The following MAST4 variants were observed in gnomAD, a reference collection of about 807,000 sequenced individuals.
MAST4 encodes microtubule-associated serine/threonine-protein kinase 4.
Under a neutral mutation model 162.7 loss-of-function variants are expected in MAST4, and 89 were observed. That is an observed-to-expected ratio of 0.55 (90% CI 0.46 to 0.65). The LOEUF (loss-of-function observed/expected upper bound fraction) is 0.65. MAST4 is among the 30% of genes least tolerant of loss of function. MAST4 has a pLI of 0.00. For synonymous variants in MAST4, 1,479 were observed against 1,361.1 expected (o/e 1.09, Z -1.91); for missense variants, 3,153 against 3,374.0 (o/e 0.93, Z 1.62).
At chr5:67,140,522 G>T (rs1380701545) in intron 19 of MAST4, among the ~76,000 whole-genome samples, 2 of 152,208 alleles carry the variant, frequency 1.3e-5, no homozygotes, top group Non-Finnish European at 2.9e-5. Flanking sequence ...ATGCAAGAGA[G>T]GTGGTGGAGT....
intron 4 of MAST4, among the ~76,000 whole-genome samples, chr5:66,913,413 A>G (rs765026183): frequency 6.6e-6 from 1 of 152,068 alleles, no homozygotes; most frequent in East Asian, 1.9e-4. Flanking sequence ...CTCACTCAGC[A>G]TAATTATTTT....
intron 3 of MAST4, among the ~76,000 whole-genome samples, chr5:66,795,041 T>C (rs1755585153): frequency 6.6e-6 from 1 of 152,224 alleles, no homozygotes; most frequent in African/African-American, 2.4e-5. Flanking sequence ...GTACAGACTT[T>C]ATTTGCAGTC....
At chr5:66,677,545 AGTG>A (rs961450755) in intron 1 of MAST4, among the ~76,000 whole-genome samples, 2 of 152,206 alleles carry the variant, frequency 1.3e-5, no homozygotes, top group African/African-American at 4.8e-5. Context: ...TCAGGGTACT[AGTG>A]GTGATTTAAA....
In MAST4 at chr5:66,759,690, A is replaced by G. The variant is rs1753743313; in HGVS notation, c.364-19A>G. 2 of 1,613,078 alleles carry G rather than the reference A, an allele frequency of 1.2e-6. No homozygotes were observed. Among genetic ancestry groups the G allele is most frequent in the African/African-American group, 1.3e-5 (1 of 74,912 alleles). On this transcript the variant is annotated intron_variant, in intron 1 of 28. Coordinates refer to ENST00000403625, the MANE Select transcript of MAST4 (RefSeq NM_001164664.2). ...TGTTGATGCCCTAGCCAGTGATGCCATTCTTCCTCTTTCTGCAGCTTGACC... is the reference window on the plus strand; with the variant it reads ...TGTTGATGCCCTAGCCAGTGATGCCGTTCTTCCTCTTTCTGCAGCTTGACC...
At chr5:66,664,385 A>C (rs1156983114) in intron 1 of MAST4, among the ~76,000 whole-genome samples, 4 of 144,480 alleles carry the variant, frequency 2.8e-5, no homozygotes, top group Non-Finnish European at 6.0e-5. Flanking sequence ...CAGTGAGCTG[A>C]GATGGCACCA....
At chr5:66,718,777 A>T (rs546836508) in intron 1 of MAST4, among the ~76,000 whole-genome samples, 21 of 152,096 alleles carry the variant, frequency 1.4e-4, no homozygotes, top group Non-Finnish European at 3.1e-4. Flanking sequence ...TGTATCATGC[A>T]TTCGAGGGCT....
intron 4 of MAST4, among the ~76,000 whole-genome samples, chr5:67,024,624 ATTTTCT>A (rs1047803802): frequency 2.0e-5 from 3 of 151,876 alleles, no homozygotes; most frequent in African/African-American, 4.8e-5. Flanking sequence ...AGGTGAACTG[ATTTTCT>A]TTTTCTTAGA....
intron 4 of MAST4, among the ~76,000 whole-genome samples, chr5:66,915,231 A>G (rs1431672196): frequency 2.0e-5 from 3 of 147,018 alleles, no homozygotes; most frequent in African/African-American, 7.5e-5. Context: ...GTGCCACTGC[A>G]TTCCAGCCTG....
intron 1 of MAST4, among the ~76,000 whole-genome samples, chr5:66,753,701 C>T (rs1392834657): frequency 2.0e-5 from 3 of 151,054 alleles, no homozygotes; most frequent in East Asian, 3.9e-4. Flanking sequence ...GATGGATTCA[C>T]AGCCGAATTC....
chr5:66,711,247 C>T (rs1750479949), intron 1 of MAST4, among the ~76,000 whole-genome samples: 1 of 152,182 alleles, frequency 6.6e-6, no homozygotes, highest in South Asian at 2.1e-4. Context: ...TTATGACAAA[C>T]TTAGTGGCTT....
chr5:66,705,734 AT>A (rs1269469344), intron 1 of MAST4, among the ~76,000 whole-genome samples: 1 of 152,186 alleles, frequency 6.6e-6, no homozygotes, highest in African/African-American at 2.4e-5. Flanking sequence ...CCATATATTC[AT>A]TTTGCTGTAA....
chr5:66,708,920 A>G (rs1393260251), intron 1 of MAST4, among the ~76,000 whole-genome samples: 1 of 152,160 alleles, frequency 6.6e-6, no homozygotes, highest in Non-Finnish European at 1.5e-5. Context: ...ATAGAAAATC[A>G]GTCGGTAATA....
At chr5:66,850,402 A>G (rs1344770237) in intron 3 of MAST4, among the ~76,000 whole-genome samples, 1 of 152,234 alleles carries the variant, frequency 6.6e-6, no homozygotes, top group South Asian at 2.1e-4. Flanking sequence ...CTGTCTGTCT[A>G]CACGTAGCCG....
chr5:66,615,387 G>T (rs148553158), intron 1 of MAST4, among the ~76,000 whole-genome samples: 1 of 152,120 alleles, frequency 6.6e-6, no homozygotes, highest in African/African-American at 2.4e-5. Context: ...TGATTTTACC[G>T]GCCTGTGGGT....
At position 67,164,269 on chromosome 5, in the gene MAST4, A is replaced by G. The variant is rs747187281; in HGVS notation, c.5090A>G (p.Asp1697Gly). Residue 1697 changes from aspartate (D) to glycine (G), a missense_variant, in exon 29 of 29, where the codon GAC becomes GGC. Physicochemically the swap from Asp to Gly is moderately conservative, Grantham distance 94. Coordinates refer to ENST00000403625, the MANE Select transcript of MAST4 (RefSeq NM_001164664.2). The surrounding 1 kb of genome is among the most constrained non-coding windows in gnomAD (Gnocchi z 5.3). Reference protein sequence around the residue: ...DYLRKKMSLEDKEDNLCPVLK... With the variant: ...DYLRKKMSLEGKEDNLCPVLK... Reference sequence around the variant, plus strand: ...CTCCGAAAGAAAATGTCACTTGAGGACAAAGAGGACAACCTCTGCCCTGTG... The same window carrying G: ...CTCCGAAAGAAAATGTCACTTGAGGGCAAAGAGGACAACCTCTGCCCTGTG... The G allele has an allele frequency of 1.2e-5, 19 of 1,613,916 alleles. No individual in the cohort carries two copies. The South Asian group carries it at 2.1e-4, about 18-fold the overall frequency.
chr5:66,952,133 A>G (rs1044789227), intron 4 of MAST4, among the ~76,000 whole-genome samples: 1 of 152,190 alleles, frequency 6.6e-6, no homozygotes, highest in Admixed American at 6.5e-5. Context: ...GACAATGATG[A>G]ACCCTCTCTG....
chr5:67,082,230 C>T (rs1762745591), intron 5 of MAST4, among the ~76,000 whole-genome samples: 1 of 146,980 alleles, frequency 6.8e-6, no homozygotes, highest in Non-Finnish European at 1.5e-5. Flanking sequence ...CTCACTGCAA[C>T]TTCTGCCCCC....
chr5:67,100,543 G>A lies in MAST4; in HGVS notation c.1021G>A (p.Glu341Lys), dbSNP rs367787204. 1 of 1,613,924 alleles carries A rather than the reference G, an allele frequency of 6.2e-7. No homozygotes were observed. The highest frequency in any genetic ancestry group is 1.1e-5 in the South Asian group (1 of 91,070). ...CTGTACCACCGAAAGCATCGCCACT[G>A]AGAACAGATGCAGGAACACGCCGAT... Reference protein sequence around the residue: ...HFCTTESIATENRCRNTPMRP... With the variant: ...HFCTTESIATKNRCRNTPMRP... Residue 341 changes from glutamate (E) to lysine (K), a missense_variant, in exon 8 of 29, where the codon GAG becomes AAG. Transcript: ENST00000403625.
chr5:67,078,911 A>ATATATAT, intron 5 of MAST4, among the ~76,000 whole-genome samples: 2 of 38,104 alleles, frequency 5.2e-5, no homozygotes, highest in Non-Finnish European at 8.8e-5. Context: ...TTTTTATATA[A>ATATATAT]ATATATATAT....
Sources: allele counts gnomAD v4.1 joint callset (sites outside exome capture counted in the v4.1 genomes callset), GRCh38; gene constraint gnomAD v4.1.1; non-coding constraint Gnocchi (gnomAD v3.1); transcripts MANE v1.5; gene names NCBI Gene and HGNC (gene_info 2026-07-23, HGNC 2026-07-21).